The following TMEM41B variants were observed in gnomAD, a reference collection of about 807,000 sequenced individuals.
The protein encoded by TMEM41B is protein stasimon.
TMEM41B carries 18 observed loss-of-function variants against 31.9 expected under a neutral mutation model. The observed-to-expected ratio is 0.56, with a 90% CI of 0.39 to 0.84. The LOEUF is 0.84. Ranked by LOEUF, TMEM41B falls within the 40% of genes least tolerant of loss-of-function variation. TMEM41B has a pLI of 0.00. For synonymous variants in TMEM41B, 144 were observed against 124.3 expected (o/e 1.16, Z -1.05); for missense variants, 322 against 348.0 (o/e 0.93, Z 0.59).
At chr11:9,297,614 C>A (rs756628052) in intron 2 of TMEM41B, among the ~76,000 whole-genome samples, 11 of 152,096 alleles carry the variant, frequency 7.2e-5, no homozygotes, top group Non-Finnish European at 1.5e-4. Context: ...ATCGCTTGAA[C>A]TGGGAGGTGG....
At chr11:9,295,210 A>G (rs1853054257) in intron 3 of TMEM41B, 49 bp downstream of exon 3, 1 of 1,439,810 alleles carries the variant, frequency 6.9e-7, no homozygotes, top group Non-Finnish European at 9.3e-7. Context: ...GACCTTTTAC[A>G]CTTTTTCTTG....
chr11:9,284,581 GAT>G (rs1452912465), intron 6 of TMEM41B, among the ~76,000 whole-genome samples: 13 of 152,154 alleles, frequency 8.5e-5, no homozygotes, highest in African/African-American at 2.2e-4. Context: ...TGGCCAACAT[GAT>G]GAAGCTCCAT....
In TMEM41B at chr11:9,283,486, A is replaced by C. The variant is rs1242071742; in HGVS notation, c.814T>G (p.Leu272Val). The change falls in exon 7 of 7, where the codon TTG becomes GTG. Residue 272 changes from leucine (L) to valine (V), a missense_variant. Coordinates refer to ENST00000528080, the MANE Select transcript of TMEM41B (RefSeq NM_015012.4). ...SWNSIFILMI[L>V]AVLSILPAIF... is the part of the protein sequence containing the mutation. ...GCTGGCAGAATAGAAAGAACAGCCAAGATCATCAGAATAAATATTGAGTTC... is the reference window on the plus strand; with the variant it reads ...GCTGGCAGAATAGAAAGAACAGCCACGATCATCAGAATAAATATTGAGTTC... The C allele has an allele frequency of 1.2e-6, 2 of 1,613,506 alleles. No homozygotes were observed. Among genetic ancestry groups the C allele is most frequent in the Admixed American group, 3.3e-5 (2 of 59,898 alleles).
intron 1 of TMEM41B, among the ~76,000 whole-genome samples, chr11:9,300,060 G>A (rs533900318): frequency 5.3e-4 from 81 of 152,180 alleles, no homozygotes; most frequent in Non-Finnish European, 1.1e-3. Flanking sequence ...TAGAGGTTGC[G>A]GTGAGTGGAG....
chr11:9,283,787 A>T (rs1054485579), intron 6 of TMEM41B, among the ~76,000 whole-genome samples, 194 bp from the exon 7 acceptor site: 3 of 146,308 alleles, frequency 2.1e-5, no homozygotes, highest in African/African-American at 7.5e-5. Flanking sequence ...AAGGATAATG[A>T]TTTTTTTTTT....
rs955838446 is a variant in TMEM41B at position 9,283,912 on chromosome 11, G to A, written c.707-319C>T. ...CAATTCTCCTGCCTCAGCCTCCCGA[G>A]TAGCTGGGATTACAGGCATGTGCCA... is the stretch of plus-strand genomic sequence containing the variant. On this transcript the variant is annotated intron_variant, in intron 6 of 6. Transcript: ENST00000528080. Among the ~76,000 whole-genome samples, 4 of 151,820 alleles carry A rather than the reference G, an allele frequency of 2.6e-5. No individual in the cohort carries two copies. The East Asian group carries it at 7.7e-4, about 29-fold the overall frequency.
intron 1 of TMEM41B, among the ~76,000 whole-genome samples, chr11:9,309,916 C>T (rs1853513068): frequency 1.3e-5 from 2 of 149,174 alleles, no homozygotes; most frequent in Non-Finnish European, 3.0e-5. Flanking sequence ...GAGCAAGACT[C>T]CATCTCAAAA....
chr11:9,314,262 C>A lies in TMEM41B; in HGVS notation c.121+59G>T, dbSNP rs541162901. On this transcript the variant is annotated intron_variant, in intron 1 of 6. Transcript: ENST00000528080. Reference sequence around the variant, plus strand: ...TCCGAGAATAGCGGGGGTCCTTTTCCCCACCCGACACACAGAAGCCTCGGG... The same window carrying A: ...TCCGAGAATAGCGGGGGTCCTTTTCACCACCCGACACACAGAAGCCTCGGG... 3.3e-6 allele frequency: 5 copies of A among 1,522,932 alleles called. No individual in the cohort carries two copies. In the African/African-American group the frequency reaches 7.1e-5, roughly 22 times the overall value. The allele number at this position is 1,522,932 out of a possible 1,614,324, so 94.3% of individuals were successfully genotyped here. A position where few individuals can be genotyped will look rare whatever the true frequency, so the allele number is the denominator to read the frequency against.
intron 1 of TMEM41B, among the ~76,000 whole-genome samples, chr11:9,300,679 C>A (rs1853230596): frequency 6.6e-6 from 1 of 151,784 alleles, no homozygotes; most frequent in South Asian, 2.1e-4. Context: ...GAGATCGAGA[C>A]CATCCTGGCT....
chr11:9,291,628 C>T (rs1490330152), intron 3 of TMEM41B, among the ~76,000 whole-genome samples: 1 of 151,922 alleles, frequency 6.6e-6, no homozygotes, highest in African/African-American at 2.4e-5. Flanking sequence ...TCTCCATCTC[C>T]CGATCTCGTG....
intron 6 of TMEM41B, among the ~76,000 whole-genome samples, chr11:9,286,252 A>G (rs955353226): frequency 1.3e-5 from 2 of 152,182 alleles, no homozygotes; most frequent in Non-Finnish European, 2.9e-5. Flanking sequence ...GTTCTTCTTT[A>G]AAGAGGCGAC....
Position 9,283,269 on chromosome 11 carries a change from G to T in TMEM41B, c.*155C>A, listed in dbSNP as rs981842981. The stretch of plus-strand genomic sequence containing the variant: ...TCCATTTTTACTTTCTTCTCCCCTT[G>T]TCACTTAAATGTATTACTTTAACTA... On this transcript the variant is annotated 3_prime_UTR_variant, in exon 7 of 7. Transcript: ENST00000528080. 2.5e-5 allele frequency: 15 copies of T among 598,992 alleles called. No homozygotes were observed. In the Admixed American group the frequency reaches 5.3e-4, roughly 21 times the overall value. The allele number at this position is 598,992 out of a possible 1,614,324, so 37.1% of individuals were successfully genotyped here. A position where few individuals can be genotyped will look rare whatever the true frequency, so the allele number is the denominator to read the frequency against.
intron 5 of TMEM41B, 75 bp downstream of exon 5, chr11:9,287,627 A>C: frequency 1.0e-6 from 1 of 953,236 alleles, no homozygotes; most frequent in Non-Finnish European, 1.6e-6. Context: ...CATGTAGTTA[A>C]TTCATGTAGG....
intron 1 of TMEM41B, among the ~76,000 whole-genome samples, chr11:9,306,341 T>C (rs906422304): frequency 6.6e-6 from 1 of 152,060 alleles, no homozygotes; most frequent in African/African-American, 2.4e-5. Flanking sequence ...TGAATTACCC[T>C]ATTATGTGCT....
chr11:9,294,180 C>CAAAA lies in TMEM41B; in HGVS notation c.368+1075_368+1078dup, dbSNP rs538372314. Among the ~76,000 whole-genome samples, 157 of 73,442 alleles carry CAAAA rather than the reference C, an allele frequency of 2.1e-3. 8 individuals are homozygous for CAAAA. Among genetic ancestry groups the CAAAA allele is most frequent in the African/African-American group, 9.4e-3 (151 of 16,052 alleles). 48.2% of individuals were successfully genotyped at this position (73,442 alleles called of 152,430 possible). A position where few individuals can be genotyped will look rare whatever the true frequency, so the allele number is the denominator to read the frequency against. ...TGGGTGACAGGGGGAGAACCTGTCT[C>CAAAA]AAAAAAAAAAAAAAAAAAAAAAAAA... On this transcript the variant is annotated intron_variant, in intron 3 of 6. Transcript: ENST00000528080.
At chr11:9,312,326 G>A (rs1853578820) in intron 1 of TMEM41B, among the ~76,000 whole-genome samples, 1 of 152,138 alleles carries the variant, frequency 6.6e-6, no homozygotes, top group African/African-American at 2.4e-5. Context: ...AAGACACCCT[G>A]GCCCCTTCTC....
chr11:9,288,120 C>A, intron 4 of TMEM41B: 1 of 406,936 alleles, frequency 2.5e-6, no homozygotes, highest in Non-Finnish European at 4.3e-6. Context: ...CCCCGACCCC[C>A]CCAGTTCCTA....
At chr11:9,292,985 A>G (rs972361800) in intron 3 of TMEM41B, among the ~76,000 whole-genome samples, 2 of 152,038 alleles carry the variant, frequency 1.3e-5, no homozygotes, top group African/African-American at 4.8e-5. Context: ...GATTCCTGCT[A>G]TTCTCTTTTT....
chr11:9,305,979 CT>C (rs746744551), intron 1 of TMEM41B, among the ~76,000 whole-genome samples: 45 of 117,972 alleles, frequency 3.8e-4, no homozygotes, highest in Admixed American at 3.9e-4. Context: ...CAGCACTTTT[CT>C]TTTTTTTTTT....
Sources: gnomAD v4.1 joint callset for allele counts (sites outside exome capture counted in the v4.1 genomes callset) on GRCh38, gnomAD v4.1.1 for gene constraint, MANE v1.5 for transcripts, NCBI Gene and HGNC (gene_info 2026-07-23, HGNC 2026-07-21) for gene names.